Variants in PPP2R2B observed in about 807,000 individuals in gnomAD.
PPP2R2B encodes the protein serine/threonine-protein phosphatase 2A 55 kDa regulatory subunit B beta isoform.
Under a neutral mutation model 46.0 loss-of-function variants are expected in PPP2R2B, and 5 were observed. The ratio of observed to expected loss-of-function variants is 0.11; its 90% CI spans 0.06 to 0.23. The LOEUF (loss-of-function observed/expected upper bound fraction) is 0.23. Among genes scored for constraint, PPP2R2B ranks in the 10% least tolerant of loss-of-function variants. The pLI, the probability that PPP2R2B is intolerant of heterozygous loss-of-function variation, is 1.00. For synonymous variants in PPP2R2B, 215 were observed against 206.7 expected, an observed-to-expected ratio of 1.04 and a Z score of -0.34; for missense variants, 367 against 575.0, an observed-to-expected ratio of 0.64 and a Z score of 3.70.
exon 1 of PPP2R2B, chr5:147,055,939 A>G: frequency 7.1e-7 from 1 of 1,410,270 alleles, no homozygotes; most frequent in Non-Finnish European, 9.2e-7. Flanking sequence ...ACTGCCTTAC[A>G]TTTCTGCATG....
At chr5:147,027,736 T>C (rs1389993134) in intron 1 of PPP2R2B, among the ~76,000 whole-genome samples, 1 of 152,132 alleles carries the variant, frequency 6.6e-6, no homozygotes, top group Admixed American at 6.6e-5. Context: ...GTATCTTCAC[T>C]GTGGTGATGA....
intron 2 of PPP2R2B, among the ~76,000 whole-genome samples, chr5:146,756,433 C>A (rs13357239): frequency 1.3e-5 from 2 of 152,108 alleles, no homozygotes; most frequent in South Asian, 4.1e-4. Flanking sequence ...GAATACACTA[C>A]GGCAGATGTG....
intron 2 of PPP2R2B, among the ~76,000 whole-genome samples, chr5:146,704,552 A>C (rs1252769555): frequency 6.6e-6 from 1 of 152,212 alleles, no homozygotes; most frequent in Non-Finnish European, 1.5e-5. Flanking sequence ...AATGACTAAA[A>C]ACAAAAGCCA....
chr5:146,616,744 A>G lies in PPP2R2B; in HGVS notation c.791-16284T>C, dbSNP rs116408260. 7.8e-3 allele frequency among the ~76,000 whole-genome samples: 1,193 copies of G among 152,350 alleles called. 19 individuals carry two copies. The highest frequency in any genetic ancestry group is 0.027 in the African/African-American group (1,127 of 41,584). ...AATAATGCTGATGAGGATGTGGAGA[A>G]AAGGGAACACTTGTACATTGTTGGT... On this transcript the variant is annotated intron_variant, in intron 7 of 9. Coordinates refer to ENST00000394411, the MANE Select transcript of PPP2R2B (RefSeq NM_181675.4).
At chr5:147,025,236 T>G (rs1296784067) in intron 1 of PPP2R2B, among the ~76,000 whole-genome samples, 1 of 151,990 alleles carries the variant, frequency 6.6e-6, no homozygotes, top group Non-Finnish European at 1.5e-5. Flanking sequence ...GTAAAGAATC[T>G]GAAAATTCCT....
At chr5:146,813,660 G>A (rs776679191) in intron 2 of PPP2R2B, among the ~76,000 whole-genome samples, 4 of 152,136 alleles carry the variant, frequency 2.6e-5, no homozygotes, top group Non-Finnish European at 4.4e-5. Context: ...ATTCAAAGTC[G>A]AAACCTTCTA....
intron 2 of PPP2R2B, among the ~76,000 whole-genome samples, chr5:146,844,528 G>A (rs899238060): frequency 6.6e-6 from 1 of 152,136 alleles, no homozygotes; most frequent in Non-Finnish European, 1.5e-5. Flanking sequence ...TTCATTTCAA[G>A]AACAGCCAAC....
At chr5:147,047,033 A>T (rs1358235025) in intron 1 of PPP2R2B, among the ~76,000 whole-genome samples, 1 of 152,140 alleles carries the variant, frequency 6.6e-6, no homozygotes, top group Non-Finnish European at 1.5e-5. Flanking sequence ...TTTGACTCTG[A>T]GGCATAGCAG....
chr5:147,001,725 G>C (rs1164176428), intron 1 of PPP2R2B, among the ~76,000 whole-genome samples: 1 of 152,086 alleles, frequency 6.6e-6, no homozygotes, highest in Non-Finnish European at 1.5e-5. Context: ...CTTAGAATCT[G>C]GGGGCTAAAT....
chr5:146,965,319 A>C (rs994654982), intron 1 of PPP2R2B, among the ~76,000 whole-genome samples: 1 of 152,226 alleles, frequency 6.6e-6, no homozygotes, highest in South Asian at 2.1e-4. Context: ...CTGCCAGTAC[A>C]TCATAGAAGG....
chr5:146,819,610 A>G (rs1360573180), intron 2 of PPP2R2B, among the ~76,000 whole-genome samples: 1 of 152,222 alleles, frequency 6.6e-6, no homozygotes, highest in Non-Finnish European at 1.5e-5. Flanking sequence ...TTTCCTCCAT[A>G]AGATTTAGCT....
intron 5 of PPP2R2B, among the ~76,000 whole-genome samples, chr5:146,673,998 A>G (rs975540066): frequency 6.6e-6 from 1 of 152,200 alleles, no homozygotes; most frequent in Non-Finnish European, 1.5e-5. Flanking sequence ...AACTCTGACC[A>G]TACGACCAAG....
At chr5:146,916,427 C>T (rs178549) in intron 1 of PPP2R2B, among the ~76,000 whole-genome samples, 76,568 of 151,820 alleles carry the variant, frequency 0.5, 21,741 homozygotes, top group African/African-American at 0.75. Context: ...AAGCAGGTGA[C>T]TTTCCTTCAT....
At chr5:146,897,062 G>A (rs143565723) in intron 1 of PPP2R2B, among the ~76,000 whole-genome samples, 405 of 152,264 alleles carry the variant, frequency 2.7e-3, no homozygotes, top group African/African-American at 9.4e-3. Flanking sequence ...TAGTAAAGAA[G>A]CAAAGCAGAT....
Position 146,867,493 on chromosome 5 carries a change from C to G in PPP2R2B, c.70+10509G>C, listed in dbSNP as rs530771245. ...CAAATGCATGGAGTAGAGAGGGAATCTTTTGTATTTATTTATTTATCACAT... is the reference window on the plus strand; with the variant it reads ...CAAATGCATGGAGTAGAGAGGGAATGTTTTGTATTTATTTATTTATCACAT... On this transcript the variant is annotated intron_variant, in intron 2 of 9. Coordinates refer to ENST00000394411, the MANE Select transcript of PPP2R2B (RefSeq NM_181675.4). Among the ~76,000 whole-genome samples the G allele has an allele frequency of 2.0e-5, 3 of 152,232 alleles. No individual in the cohort carries two copies. The East Asian group carries it at 5.8e-4, about 29-fold the overall frequency.
chr5:146,967,964 C>T (rs1462835772), intron 1 of PPP2R2B, among the ~76,000 whole-genome samples: 1 of 152,196 alleles, frequency 6.6e-6, no homozygotes, highest in Non-Finnish European at 1.5e-5. Flanking sequence ...AGACAGCCCA[C>T]TCAGCTTATA....
chr5:147,068,266 T>A (rs1367516299), intron 2 of PPP2R2B, among the ~76,000 whole-genome samples: 1 of 152,180 alleles, frequency 6.6e-6, no homozygotes, highest in Non-Finnish European at 1.5e-5. Flanking sequence ...GAGAAACTAC[T>A]ACTTTCCCAT....
At chr5:146,832,947 A>G (rs1759053002) in intron 2 of PPP2R2B, among the ~76,000 whole-genome samples, 1 of 151,976 alleles carries the variant, frequency 6.6e-6, no homozygotes. Context: ...ACATATCCCT[A>G]TCATTAACTG....
At chr5:146,741,828 C>T (rs1752892621) in intron 2 of PPP2R2B, among the ~76,000 whole-genome samples, 1 of 152,170 alleles carries the variant, frequency 6.6e-6, no homozygotes, top group Admixed American at 6.5e-5. Flanking sequence ...AAGCAGAGTA[C>T]AGTAAAAATA....
Sources: gnomAD v4.1 joint callset for allele counts (sites outside exome capture counted in the v4.1 genomes callset) on GRCh38, gnomAD v4.1.1 for gene constraint, MANE v1.5 for transcripts, NCBI Gene and HGNC (gene_info 2026-07-23, HGNC 2026-07-21) for gene names.